The following ROR1 variants were observed in gnomAD, a reference collection of about 807,000 sequenced individuals.
ROR1 encodes inactive tyrosine-protein kinase transmembrane receptor ROR1.
ROR1 carries 19 observed loss-of-function variants against 78.8 expected under a neutral mutation model. The ratio of observed to expected loss-of-function variants is 0.24; its 90% confidence interval spans 0.17 to 0.35. The LOEUF (loss-of-function observed/expected upper bound fraction) is 0.35, where lower values mean the gene tolerates loss of function less well. ROR1 is among the 10% of genes least tolerant of loss of function. The pLI is 1.00. For missense variants in ROR1, 917 were observed against 1,177.8 expected, an observed-to-expected ratio of 0.78 and a Z score of 3.24; for synonymous variants, 386 against 433.6, an observed-to-expected ratio of 0.89 and a Z score of 1.36.
At chr1:64,115,850 G>A (rs747114445) in intron 4 of ROR1, among the ~76,000 whole-genome samples, 1 of 152,044 alleles carries the variant, frequency 6.6e-6, no homozygotes, top group African/African-American at 2.4e-5. Flanking sequence ...AATGGGAGGA[G>A]TAATACCTGC....
At chr1:63,808,969 G>C (rs1156703128) in intron 1 of ROR1, among the ~76,000 whole-genome samples, 1 of 151,952 alleles carries the variant, frequency 6.6e-6, no homozygotes, top group Admixed American at 6.6e-5. Context: ...AATTATCAGC[G>C]TGGACCTTGG....
chr1:64,035,246 G>T (rs1646692740), intron 2 of ROR1, among the ~76,000 whole-genome samples: 1 of 152,180 alleles, frequency 6.6e-6, no homozygotes, highest in Non-Finnish European at 1.5e-5. Context: ...AAAATTAACT[G>T]ATTTTCCTCA....
chr1:64,051,894 C>G (rs1323086527), intron 4 of ROR1, among the ~76,000 whole-genome samples: 8 of 152,212 alleles, frequency 5.3e-5, no homozygotes, highest in Non-Finnish European at 1.0e-4. Flanking sequence ...TGCTCCAATC[C>G]CCTCTGTGCC....
intron 1 of ROR1, among the ~76,000 whole-genome samples, chr1:63,863,794 TTGTATTG>T (rs1645197939): frequency 1.7e-5 from 2 of 119,354 alleles, no homozygotes; most frequent in Non-Finnish European, 3.4e-5. Context: ...TTGTATTGTA[TTGTATTG>T]TATCATAGAT....
chr1:63,921,669 G>A (rs1457181465), intron 1 of ROR1, among the ~76,000 whole-genome samples: 1 of 150,652 alleles, frequency 6.6e-6, no homozygotes, highest in Non-Finnish European at 1.5e-5. Context: ...GCGGCAGAGA[G>A]AGTGGGGTGG....
chr1:64,097,635 T>TTCTTTA (rs1647350871), intron 4 of ROR1, among the ~76,000 whole-genome samples: 1 of 151,814 alleles, frequency 6.6e-6, no homozygotes, highest in Non-Finnish European at 1.5e-5. Flanking sequence ...AGTTATTTTG[T>TTCTTTA]CCTAGGTATA....
chr1:64,050,456 C>T (rs1168680798), intron 3 of ROR1, among the ~76,000 whole-genome samples: 1 of 151,732 alleles, frequency 6.6e-6, no homozygotes, highest in Non-Finnish European at 1.5e-5. Flanking sequence ...TAGCACTTGT[C>T]TTAGCATTTT....
At chr1:63,966,890 T>C (rs916312490) in intron 1 of ROR1, among the ~76,000 whole-genome samples, 1 of 152,180 alleles carries the variant, frequency 6.6e-6, no homozygotes, top group Non-Finnish European at 1.5e-5. Context: ...CCAAATGATA[T>C]CACCTTACTA....
chr1:64,027,270 T>C (rs74894212), intron 2 of ROR1, among the ~76,000 whole-genome samples: 7,431 of 152,306 alleles, frequency 0.049, 199 homozygotes, highest in African/African-American at 0.079. Context: ...CTTCCTAGCT[T>C]GTTTTCCAGA....
Position 63,835,037 on chromosome 1 carries a change from C to T in ROR1, c.91+60529C>T, listed in dbSNP as rs912307202. 3.9e-5 allele frequency among the ~76,000 whole-genome samples: 6 copies of T among 152,132 alleles called. No homozygotes were observed. The East Asian group carries it at 9.6e-4, about 24-fold the overall frequency. On this transcript the variant is annotated intron_variant, in intron 1 of 8. Transcript: ENST00000371079. ...CCCTATTTACCTGTTGCTGCCTCCT[C>T]CATCCTCCCCTAAAGTCACACAGCT...
chr1:64,050,136 T>C (rs1354740903), intron 3 of ROR1, among the ~76,000 whole-genome samples, 158 bp downstream of exon 3: 3 of 152,172 alleles, frequency 2.0e-5, no homozygotes, highest in Admixed American at 2.0e-4. Context: ...ATTTTACAAA[T>C]AAGTAAACTA....
chr1:63,788,355 G>C (rs1644704718), intron 1 of ROR1, among the ~76,000 whole-genome samples: 1 of 152,104 alleles, frequency 6.6e-6, no homozygotes, highest in African/African-American at 2.4e-5. Context: ...TATACACGTG[G>C]ATTTATAAAA....
chr1:64,046,958 T>C (rs1158137975), intron 2 of ROR1, among the ~76,000 whole-genome samples: 5 of 152,184 alleles, frequency 3.3e-5, no homozygotes, highest in Non-Finnish European at 7.3e-5. Flanking sequence ...AGCCCTAGCA[T>C]ATAGTAGGAT....
rs200440699 is a variant in ROR1, at chr1:64,142,954, A to T, written c.1174+304A>T. Reference sequence around the variant, plus strand: ...ATCACATTGATTTTTATAGAAAAAGATGTTACCCAGAATGGTCTGCGTCCA... The same window carrying T: ...ATCACATTGATTTTTATAGAAAAAGTTGTTACCCAGAATGGTCTGCGTCCA... On this transcript the variant is annotated intron_variant, in intron 7 of 8. Transcript: ENST00000371079. 12 of 1,174,518 alleles carry T rather than the reference A, an allele frequency of 1.0e-5. No homozygotes were observed. In the East Asian group the frequency reaches 5.3e-4, roughly 52 times the overall value. The allele number at this position is 1,174,518 out of a possible 1,614,324, so 72.8% of individuals were successfully genotyped here.
chr1:63,855,647 T>C lies in ROR1; in HGVS notation c.91+81139T>C, dbSNP rs1208784349. ...GTAGATTTCACCTCTAGAAGTTTGATGTAGCTCTTTTTTTTTTTTTGAGAC... is the reference window on the plus strand; with the variant it reads ...GTAGATTTCACCTCTAGAAGTTTGACGTAGCTCTTTTTTTTTTTTTGAGAC... On this transcript the variant is annotated intron_variant, in intron 1 of 8. Coordinates refer to ENST00000371079, the MANE Select transcript of ROR1 (RefSeq NM_005012.4). Among the ~76,000 whole-genome samples the C allele has an allele frequency of 2.6e-5, 4 of 151,996 alleles. No homozygotes were observed. In the East Asian group the frequency reaches 5.8e-4, roughly 22 times the overall value.
intron 1 of ROR1, among the ~76,000 whole-genome samples, chr1:63,983,850 A>G (rs963058628): frequency 1.3e-5 from 2 of 152,188 alleles, no homozygotes; most frequent in African/African-American, 4.8e-5. Context: ...TCTCAGAGCC[A>G]CAGTTTCCTT....
intron 4 of ROR1, among the ~76,000 whole-genome samples, chr1:64,102,421 A>G (rs1647589521): frequency 6.6e-6 from 1 of 152,172 alleles, no homozygotes; most frequent in African/African-American, 2.4e-5. Context: ...CTTCACACCC[A>G]CTTCCTTTCT....
chr1:64,069,690 CCTGCAGAGGTT>C (rs1380147575), intron 4 of ROR1, among the ~76,000 whole-genome samples: 2 of 152,114 alleles, frequency 1.3e-5, no homozygotes, highest in Non-Finnish European at 2.9e-5. Context: ...CAGGCAGATC[CCTGCAGAGGTT>C]CATGACAATG....
At position 64,159,108 on chromosome 1, in the gene ROR1, A is replaced by G. The variant is rs1649861513; in HGVS notation, c.1302A>G (p.Ser434=). ...GCGTCTGTCGGAATAACCAGAAGTC[A>G]TCGTCGGCACCAGTCCAGAGGCAAC... The part of the protein sequence containing the change: ...FICVCRNNQK[S]SSAPVQRQPK... The change falls in exon 8 of 9, where the codon TCA becomes TCG. Residue 434 remains serine, a synonymous_variant. Coordinates refer to ENST00000371079, the MANE Select transcript of ROR1 (RefSeq NM_005012.4). The G allele has an allele frequency of 1.2e-6, 2 of 1,614,192 alleles. No homozygotes were observed. Among genetic ancestry groups the G allele is most frequent in the African/African-American group, 1.3e-5 (1 of 75,048 alleles).
Sources: gnomAD v4.1 joint callset for allele counts (sites outside exome capture counted in the v4.1 genomes callset) on GRCh38, gnomAD v4.1.1 for gene constraint, MANE v1.5 for transcripts, NCBI Gene and HGNC (gene_info 2026-07-23, HGNC 2026-07-21) for gene names.